Variants in DCHS2 observed in about 807,000 individuals in gnomAD.
DCHS2 encodes dachsous cadherin-related 2, also known as protocadherin-23.
In DCHS2, 142 loss-of-function variants were observed where a neutral mutation model predicts 182.4. That is an observed-to-expected ratio of 0.78 (90% confidence interval 0.68 to 0.89). The LOEUF is 0.89. Ranked by LOEUF, DCHS2 falls within the 40% of genes least tolerant of loss-of-function variation. The pLI, the probability that DCHS2 is intolerant of heterozygous loss-of-function variation, is 0.00. For synonymous variants in DCHS2, 1,740 were observed against 1,663.3 expected, an observed-to-expected ratio of 1.05 and a Z score of -1.12; for missense variants, 4,319 against 4,198.6, an observed-to-expected ratio of 1.03 and a Z score of -0.79.
At chr4:154,367,060 G>C (rs1490955493) in intron 2 of DCHS2, among the ~76,000 whole-genome samples, 1 of 152,140 alleles carries the variant, frequency 6.6e-6, no homozygotes, top group Non-Finnish European at 1.5e-5. Flanking sequence ...GGAAAGAGCA[G>C]AGCCAAAGGC....
At chr4:154,263,686 G>GAAAAAAAAAAAAAAAAAAAA (rs200534854) in intron 14 of DCHS2, among the ~76,000 whole-genome samples, 1 of 103,946 alleles carries the variant, frequency 9.6e-6, no homozygotes. Flanking sequence ...GGCCATTATT[G>GAAAAAAAAAAAAAAAAAAAA]AAAAAAAAAA....
intron 1 of DCHS2, among the ~76,000 whole-genome samples, chr4:154,391,565 G>A (rs530188306): frequency 6.6e-6 from 1 of 152,254 alleles, no homozygotes; most frequent in Admixed American, 6.5e-5. Flanking sequence ...TATGCAAATG[G>A]CAACAAAAGT....
chr4:154,390,376 T>G (rs1337056482), intron 1 of DCHS2, among the ~76,000 whole-genome samples: 4 of 151,308 alleles, frequency 2.6e-5, no homozygotes, highest in Non-Finnish European at 5.9e-5. Context: ...TTTGGTTTTT[T>G]GTTCTTGCGA....
rs762990386 is a variant in DCHS2 at position 154,234,909 on chromosome 4, G to T, written c.9743C>A (p.Ala3248Asp). ...LSWEPKFQPL[A>D]SVFNDIAKLK... ...TTTTGCAATATCATTAAATACTGAG[G>T]CAAGAGGTTGGAATTTGGGCTCCCA... Residue 3248 changes from alanine (A) to aspartate (D), a missense_variant, in exon 20 of 20, where the codon GCC becomes GAC. Ala to Asp is a moderately radical substitution (Grantham distance 126). Transcript: ENST00000357232. 8 of 1,613,870 alleles carry T rather than the reference G, an allele frequency of 5.0e-6. No homozygotes were observed. The African/African-American group carries it at 8.0e-5, about 16-fold the overall frequency.
intron 1 of DCHS2, among the ~76,000 whole-genome samples, chr4:154,454,363 C>A (rs1350415096): frequency 1.3e-5 from 2 of 152,164 alleles, no homozygotes; most frequent in Non-Finnish European, 2.9e-5. Context: ...CCTGCCTCAG[C>A]CTCCCAAGTA....
At chr4:154,292,419 C>CA (rs1734709173) in intron 13 of DCHS2, among the ~76,000 whole-genome samples, 1 of 152,138 alleles carries the variant, frequency 6.6e-6, no homozygotes. Context: ...AGTCCACTCC[C>CA]AAAATCCCAA....
At chr4:154,264,568 C>T (rs937466876) in intron 14 of DCHS2, among the ~76,000 whole-genome samples, 1 of 152,068 alleles carries the variant, frequency 6.6e-6, no homozygotes, top group Non-Finnish European at 1.5e-5. Context: ...AAATGAATGG[C>T]GTTTAGATCA....
chr4:154,462,505 T>C (rs991215761), intron 1 of DCHS2, among the ~76,000 whole-genome samples: 4 of 152,200 alleles, frequency 2.6e-5, no homozygotes, highest in South Asian at 2.1e-4. Context: ...TAGTTGTGAA[T>C]GTTGACTCTA....
chr4:154,310,601 C>G (rs915283319), intron 10 of DCHS2, among the ~76,000 whole-genome samples: 1 of 152,182 alleles, frequency 6.6e-6, no homozygotes, highest in Non-Finnish European at 1.5e-5. Flanking sequence ...CATCAGCATC[C>G]TTGAAAAGCA....
At chr4:154,314,325 G>A (rs1480547858) in intron 10 of DCHS2, among the ~76,000 whole-genome samples, 1 of 152,116 alleles carries the variant, frequency 6.6e-6, no homozygotes, top group East Asian at 1.9e-4. Context: ...GAAACACAAA[G>A]CTTATGTATA....
At chr4:154,339,451 C>T (rs1010715287) in intron 3 of DCHS2, among the ~76,000 whole-genome samples, 1 of 141,314 alleles carries the variant, frequency 7.1e-6, no homozygotes, top group Non-Finnish European at 1.6e-5. Context: ...CATGAACAAA[C>T]TTTTTTTTTT....
At chr4:154,443,845 T>C (rs1236470159) in intron 1 of DCHS2, among the ~76,000 whole-genome samples, 2 of 152,230 alleles carry the variant, frequency 1.3e-5, no homozygotes, top group African/African-American at 4.8e-5. Flanking sequence ...TCTTCTTCTC[T>C]TTATATTCCA....
At chr4:154,436,271 A>G (rs994750950) in intron 1 of DCHS2, among the ~76,000 whole-genome samples, 4 of 152,212 alleles carry the variant, frequency 2.6e-5, no homozygotes, top group Non-Finnish European at 4.4e-5. Context: ...ACAAATTATT[A>G]TATCACTTAC....
chr4:154,336,421 G>T (rs533270330), intron 3 of DCHS2, among the ~76,000 whole-genome samples: 4 of 152,116 alleles, frequency 2.6e-5, no homozygotes, highest in African/African-American at 9.7e-5. Context: ...ATGAATTTGC[G>T]AACAAATACG....
rs1444622983 is a variant in DCHS2, at chr4:154,490,576, C to T, written c.780G>A (p.Ala260=). ...LLRRLDREEA[A]AHRLQIEAWD... is the part of the protein sequence containing the mutation. The stretch of plus-strand genomic sequence containing the variant: ...ATGCCTCGATCTGCAGCCGGTGCGC[C>T]GCCGCCTCCTCTCGGTCCAAGCGCC... Residue 260 remains alanine (A), a synonymous_variant, in exon 1 of 20, where the codon GCG becomes GCA. Coordinates refer to ENST00000357232, the MANE Select transcript of DCHS2 (RefSeq NM_001358235.2). 6.5e-7 allele frequency: 1 copy of T among 1,543,868 alleles called. No individual in the cohort carries two copies. The highest frequency in any genetic ancestry group is 8.7e-7 in the Non-Finnish European group (1 of 1,146,170).
At chr4:154,341,946 C>T (rs910164488) in intron 3 of DCHS2, among the ~76,000 whole-genome samples, 4 of 152,078 alleles carry the variant, frequency 2.6e-5, no homozygotes, top group East Asian at 1.9e-4. Context: ...AAGCATTATA[C>T]TCAACTAAAT....
Position 154,304,889 on chromosome 4 carries a change from A to T in DCHS2, c.5396-11T>A. The T allele has an allele frequency of 6.3e-7, 1 of 1,596,244 alleles. No homozygotes were observed. The highest frequency in any genetic ancestry group is 8.5e-7 in the Non-Finnish European group (1 of 1,171,728). On this transcript the variant is annotated splice_polypyrimidine_tract_variant and intron_variant, in intron 11 of 19. Coordinates refer to ENST00000357232, the MANE Select transcript of DCHS2 (RefSeq NM_001358235.2). ...CATCTCGTACTAGTACTGACACAGA[A>T]CACAAAGACGGTATGAATTGTGGCC...
At chr4:154,268,240 A>AG (rs987982725) in intron 14 of DCHS2, among the ~76,000 whole-genome samples, 57 of 60,492 alleles carry the variant, frequency 9.4e-4, no homozygotes, top group African/African-American at 3.8e-3. Context: ...TCCCCCCCCC[A>AG]AAAAAATAAC....
intron 1 of DCHS2, among the ~76,000 whole-genome samples, chr4:154,384,892 G>GTT (rs71600322): frequency 7.9e-5 from 12 of 151,508 alleles, no homozygotes; most frequent in South Asian, 6.3e-4. Flanking sequence ...AATTTCCGCT[G>GTT]TTTTTTTTAA....
Sources: allele counts gnomAD v4.1 joint callset (sites outside exome capture counted in the v4.1 genomes callset), GRCh38; gene constraint gnomAD v4.1.1; transcripts MANE v1.5; gene names NCBI Gene and HGNC (gene_info 2026-07-23, HGNC 2026-07-21).